The following SMPD3 variants were observed in gnomAD, a reference collection of about 807,000 sequenced individuals.
SMPD3 encodes the protein sphingomyelin phosphodiesterase 3, also known as nSMase-2.
A neutral mutation model predicts 55.7 loss-of-function variants in SMPD3; 21 were observed. The ratio of observed to expected loss-of-function variants is 0.38; its 90% confidence interval spans 0.27 to 0.54. The LOEUF (loss-of-function observed/expected upper bound fraction) is 0.54, where lower values mean the gene tolerates loss of function less well. Among genes scored for constraint, SMPD3 ranks in the 20% least tolerant of loss-of-function variants. The pLI is 0.80. For synonymous variants in SMPD3, 457 were observed against 404.3 expected (o/e 1.13, Z -1.56); for missense variants, 842 against 899.6 (o/e 0.94, Z 0.82).
intron 1 of SMPD3, among the ~76,000 whole-genome samples, chr16:68,444,661 AG>A (rs1358851101): frequency 1.3e-5 from 2 of 152,250 alleles, no homozygotes; most frequent in East Asian, 3.8e-4. Flanking sequence ...TATGAGCATG[AG>A]GAAATGTTTT....
intron 2 of SMPD3, among the ~76,000 whole-genome samples, chr16:68,382,828 G>GTTTGT (rs944626031): frequency 7.9e-5 from 12 of 152,174 alleles, no homozygotes; most frequent in African/African-American, 1.2e-4. Context: ...TAGTTTTTTT[G>GTTTGT]TTTGTTTTGT....
intron 1 of SMPD3, among the ~76,000 whole-genome samples, chr16:68,392,374 G>A (rs1478729461): frequency 4.6e-5 from 7 of 152,178 alleles, no homozygotes; most frequent in Admixed American, 1.3e-4. Flanking sequence ...TTTTGAACAT[G>A]TTTAATGTAG....
At chr16:68,391,008 C>T (rs1213583583) in intron 1 of SMPD3, among the ~76,000 whole-genome samples, 2 of 152,204 alleles carry the variant, frequency 1.3e-5, no homozygotes, top group Admixed American at 6.5e-5. Flanking sequence ...AGTGCCCCCA[C>T]CTCAGTGAAC....
intron 2 of SMPD3, among the ~76,000 whole-genome samples, chr16:68,378,532 G>T (rs1344746586): frequency 2.6e-5 from 4 of 152,098 alleles, no homozygotes; most frequent in African/African-American, 9.7e-5. Flanking sequence ...CAAAGCACCT[G>T]CCTCCTTCTC....
chr16:68,398,910 T>C (rs958724417), intron 1 of SMPD3, among the ~76,000 whole-genome samples: 3 of 152,216 alleles, frequency 2.0e-5, no homozygotes, highest in Non-Finnish European at 2.9e-5. Context: ...TCACTTTTCA[T>C]TCTGTTCCCC....
At chr16:68,445,634 T>A (rs2090603594) in intron 1 of SMPD3, among the ~76,000 whole-genome samples, 1 of 152,242 alleles carries the variant, frequency 6.6e-6, no homozygotes, top group African/African-American at 2.4e-5. Flanking sequence ...TGGTTTAACC[T>A]CTTTCCAGCA....
At chr16:68,377,759 C>T (rs1286260650) in intron 2 of SMPD3, among the ~76,000 whole-genome samples, 2 of 152,238 alleles carry the variant, frequency 1.3e-5, no homozygotes, top group Admixed American at 6.5e-5. Flanking sequence ...TGGCAATAGA[C>T]ATGCAGGTGT....
At position 68,364,740 on chromosome 16, in the gene SMPD3, C is replaced by T. The variant is rs2089423490; in HGVS notation, c.1555+11G>A. ...AGCTGGAGACCTGAGTGGGGAGGAGCCCGGCCTCACCAGAGGAGCAGTTAT... is the reference window on the plus strand; with the variant it reads ...AGCTGGAGACCTGAGTGGGGAGGAGTCCGGCCTCACCAGAGGAGCAGTTAT... On this transcript the variant is annotated intron_variant, in intron 5 of 8. Coordinates refer to ENST00000219334, the MANE Select transcript of SMPD3 (RefSeq NM_018667.4). 6.2e-7 allele frequency: 1 copy of T among 1,607,900 alleles called. No homozygotes were observed. Among genetic ancestry groups the T allele is most frequent in the African/African-American group, 1.3e-5 (1 of 74,864 alleles).
chr16:68,380,454 C>T (rs1017673803), intron 2 of SMPD3, among the ~76,000 whole-genome samples: 12 of 152,234 alleles, frequency 7.9e-5, no homozygotes, highest in Non-Finnish European at 5.9e-5. Flanking sequence ...ACCTCAAGTG[C>T]TCTGAGCCTG....
chr16:68,373,914 G>A (rs925704311), intron 2 of SMPD3, among the ~76,000 whole-genome samples: 4 of 151,902 alleles, frequency 2.6e-5, no homozygotes, highest in South Asian at 2.1e-4. Flanking sequence ...CCCTCGCCTC[G>A]CTCACCCTTT....
chr16:68,415,908 G>A (rs1050850804), intron 1 of SMPD3, among the ~76,000 whole-genome samples: 1 of 151,414 alleles, frequency 6.6e-6, no homozygotes, highest in African/African-American at 2.4e-5. Context: ...GCAGTTTTTG[G>A]CTCCTTTACA....
intron 1 of SMPD3, among the ~76,000 whole-genome samples, chr16:68,427,863 G>A (rs771251717): frequency 5.9e-5 from 9 of 152,132 alleles, no homozygotes; most frequent in Non-Finnish European, 1.3e-4. Context: ...GGGACGGGAG[G>A]AGCTTGGCAA....
At chr16:68,420,521 T>C (rs1185952775) in intron 1 of SMPD3, among the ~76,000 whole-genome samples, 1 of 152,218 alleles carries the variant, frequency 6.6e-6, no homozygotes, top group Non-Finnish European at 1.5e-5. Flanking sequence ...CCATTATCCC[T>C]GCCCAGCAGG....
chr16:68,361,832 G>A (rs1373551104), intron 7 of SMPD3, 73 bp from the exon 8 acceptor site: 1 of 1,448,046 alleles, frequency 6.9e-7, no homozygotes, highest in Admixed American at 1.9e-5. Flanking sequence ...TGTGTGTGGA[G>A]CCATGGTCTC....
chr16:68,372,132 T>C lies in SMPD3; in HGVS notation c.50A>G (p.His17Arg). ...PFPNSCLSAL[H>R]CVSWALIFPC... Reference sequence around the variant, plus strand: ...AAAGATAAGGGCCCAGGACACACAGTGCAGGGCGGACAGACAGCTGTTAGG... The same window carrying C: ...AAAGATAAGGGCCCAGGACACACAGCGCAGGGCGGACAGACAGCTGTTAGG... The change falls in exon 3 of 9, where the codon CAC (histidine) becomes CGC (arginine). Residue 17 changes from histidine (H) to arginine (R), a missense_variant. Physicochemically the swap from His to Arg is conservative, Grantham distance 29. This residue lies in a region of SMPD3 where 193 missense variants were observed against 256.0 expected (regional missense o/e 0.75). Transcript: ENST00000219334. The C allele has an allele frequency of 6.2e-7, 1 of 1,612,858 alleles. No individual in the cohort carries two copies. Among genetic ancestry groups the C allele is most frequent in the Non-Finnish European group, 8.5e-7 (1 of 1,179,590 alleles).
chr16:68,414,944 C>G (rs1009457240), intron 1 of SMPD3, among the ~76,000 whole-genome samples: 1 of 152,102 alleles, frequency 6.6e-6, no homozygotes, highest in African/African-American at 2.4e-5. Context: ...AGCAGGGGGT[C>G]TTTCAGGCCT....
intron 2 of SMPD3, among the ~76,000 whole-genome samples, chr16:68,374,310 C>T (rs575209045): frequency 1.3e-5 from 2 of 152,358 alleles, no homozygotes; most frequent in South Asian, 2.1e-4. Flanking sequence ...CAGGGCTTAG[C>T]GTCTAAAGGT....
chr16:68,406,866 T>C (rs2090258356), intron 1 of SMPD3, among the ~76,000 whole-genome samples: 1 of 152,116 alleles, frequency 6.6e-6, no homozygotes, highest in African/African-American at 2.4e-5. Context: ...TTTACAAACA[T>C]TTGCTGAACA....
At chr16:68,362,243 ACCAAGCCT>A (rs948850057) in intron 7 of SMPD3, among the ~76,000 whole-genome samples, 1 of 152,128 alleles carries the variant, frequency 6.6e-6, no homozygotes, top group African/African-American at 2.4e-5. Flanking sequence ...TGCTTATGTT[ACCAAGCCT>A]CCAAGCCTCT....
Sources: allele counts gnomAD v4.1 joint callset (sites outside exome capture counted in the v4.1 genomes callset), GRCh38; gene constraint gnomAD v4.1.1; regional missense constraint gnomAD v4.1.1; transcripts MANE v1.5; gene names NCBI Gene and HGNC (gene_info 2026-07-23, HGNC 2026-07-21).